FHIT: variants seen among roughly 807,000 people sequenced by gnomAD.
FHIT encodes the protein fragile histidine triad diadenosine triphosphatase, also known as bis(5'-adenosyl)-triphosphatase.
Under a neutral mutation model 17.9 loss-of-function variants are expected in FHIT, and 19 were observed. That is an observed-to-expected ratio of 1.06 (90% CI 0.74 to 1.56). The LOEUF is 1.56. Ranked by LOEUF, FHIT falls within the 40% of genes most tolerant of loss-of-function variation. The probability of loss-of-function intolerance (pLI) is 0.00; values close to 1 mark genes in which losing one functional copy is unlikely to be tolerated. For missense variants in FHIT, 248 were observed against 189.2 expected, an observed-to-expected ratio of 1.31 and a Z score of -1.82; for synonymous variants, 81 against 69.7, an observed-to-expected ratio of 1.16 and a Z score of -0.81.
intron 2 of FHIT, among the ~76,000 whole-genome samples, chr3:61,113,474 T>G (rs993850778): frequency 1.3e-5 from 2 of 152,168 alleles, no homozygotes; most frequent in Non-Finnish European, 2.9e-5. Context: ...TATGGTTCTT[T>G]CTCTGGGAAA....
intron 2 of FHIT, among the ~76,000 whole-genome samples, chr3:61,107,347 T>C (rs1273435767): frequency 2.0e-5 from 3 of 152,218 alleles, no homozygotes; most frequent in Admixed American, 1.3e-4. Context: ...GGTGTATGTA[T>C]ATCACATTTT....
At chr3:60,593,988 T>C (rs1553665325) in intron 4 of FHIT, among the ~76,000 whole-genome samples, 2 of 152,122 alleles carry the variant, frequency 1.3e-5, no homozygotes, top group African/African-American at 4.8e-5. Context: ...CGACTTCTCA[T>C]GGTATATGAA....
chr3:60,283,799 A>G (rs1707582955), intron 5 of FHIT, among the ~76,000 whole-genome samples: 1 of 148,914 alleles, frequency 6.7e-6, no homozygotes, highest in Non-Finnish European at 1.5e-5. Flanking sequence ...AAAGAGGTTG[A>G]GAAGAGTGCA....
chr3:60,809,189 T>C (rs1293205299), intron 4 of FHIT, among the ~76,000 whole-genome samples: 3 of 152,220 alleles, frequency 2.0e-5, no homozygotes, highest in African/African-American at 7.2e-5. Context: ...ATTTCATTTA[T>C]TGACATATCA....
At chr3:60,498,013 C>G (rs1559493409) in intron 5 of FHIT, among the ~76,000 whole-genome samples, 2 of 152,124 alleles carry the variant, frequency 1.3e-5, no homozygotes, top group African/African-American at 4.8e-5. Flanking sequence ...TCTGTCACAG[C>G]TACTCATCTG....
chr3:59,860,991 A>T (rs78677504), intron 8 of FHIT, among the ~76,000 whole-genome samples: 4,006 of 152,092 alleles, frequency 0.026, 165 homozygotes, highest in African/African-American at 0.091. Flanking sequence ...CCTGGGTCTG[A>T]AGAGAAGAGG....
chr3:60,214,011 G>C (rs1703578857), intron 5 of FHIT, among the ~76,000 whole-genome samples: 1 of 152,130 alleles, frequency 6.6e-6, no homozygotes, highest in Non-Finnish European at 1.5e-5. Flanking sequence ...GTGGAACATA[G>C]GTGTCATGCA....
chr3:60,621,953 C>T (rs899134907), intron 4 of FHIT, among the ~76,000 whole-genome samples: 5 of 151,996 alleles, frequency 3.3e-5, no homozygotes, highest in African/African-American at 9.7e-5. Context: ...AGCTAGTATG[C>T]CAATGAGGTG....
chr3:60,827,781 T>G (rs2106799684), intron 3 of FHIT, among the ~76,000 whole-genome samples: 1 of 152,266 alleles, frequency 6.6e-6, no homozygotes, highest in Middle Eastern at 3.4e-3. Flanking sequence ...CCACTGATAG[T>G]GAAAGGAAAG....
chr3:60,375,948 G>A (rs913673491), intron 5 of FHIT, among the ~76,000 whole-genome samples: 1 of 152,162 alleles, frequency 6.6e-6, no homozygotes, highest in Admixed American at 6.6e-5. Context: ...GCCTGAGGAA[G>A]TGAACATTTA....
chr3:60,814,105 A>C (rs553967890), intron 4 of FHIT, among the ~76,000 whole-genome samples: 1 of 152,198 alleles, frequency 6.6e-6, no homozygotes, highest in East Asian at 1.9e-4. Context: ...CACAAAACTT[A>C]TTCATTTTGT....
chr3:60,062,480 C>G (rs1451378326), intron 5 of FHIT, among the ~76,000 whole-genome samples: 1 of 152,162 alleles, frequency 6.6e-6, no homozygotes, highest in Non-Finnish European at 1.5e-5. Flanking sequence ...ATTATCTCCT[C>G]TAGTGAAGAA....
intron 8 of FHIT, among the ~76,000 whole-genome samples, chr3:59,825,571 C>T (rs1378419523): frequency 6.6e-6 from 1 of 152,182 alleles, no homozygotes; most frequent in African/African-American, 2.4e-5. Context: ...TGCTCCCACA[C>T]CTGATGTACT....
chr3:60,021,007 T>A (rs1213206295), intron 5 of FHIT, among the ~76,000 whole-genome samples: 1 of 152,182 alleles, frequency 6.6e-6, no homozygotes, highest in Non-Finnish European at 1.5e-5. Context: ...CTCATTTCAG[T>A]AACTCAATAA....
chr3:60,424,290 G>A (rs193127774), intron 5 of FHIT, among the ~76,000 whole-genome samples: 1 of 152,222 alleles, frequency 6.6e-6, no homozygotes, highest in East Asian at 1.9e-4. Flanking sequence ...AATACAGAGA[G>A]CAGTCTGGGG....
At chr3:60,603,179 T>A (rs1442249852) in intron 4 of FHIT, among the ~76,000 whole-genome samples, 2 of 152,126 alleles carry the variant, frequency 1.3e-5, no homozygotes, top group Non-Finnish European at 2.9e-5. Flanking sequence ...TAAAAACTCA[T>A]AAAAACTCCA....
chr3:60,976,517 G>A (rs1434620698), intron 3 of FHIT, among the ~76,000 whole-genome samples: 3 of 152,076 alleles, frequency 2.0e-5, no homozygotes. Context: ...CTATAAAAAG[G>A]AATGAAACAT....
At chr3:60,102,999 G>C (rs569958362) in intron 5 of FHIT, among the ~76,000 whole-genome samples, 45 of 152,266 alleles carry the variant, frequency 3.0e-4, no homozygotes, top group Non-Finnish European at 4.9e-4. Context: ...GAGCACATGT[G>C]ACAATGAATA....
chr3:60,265,737 G>A (rs1261721505), intron 5 of FHIT, among the ~76,000 whole-genome samples: 1 of 151,734 alleles, frequency 6.6e-6, no homozygotes, highest in Non-Finnish European at 1.5e-5. Context: ...ATAATAAATA[G>A]ATGATTCAAA....
Sources: gnomAD v4.1 joint callset for allele counts (sites outside exome capture counted in the v4.1 genomes callset) on GRCh38, gnomAD v4.1.1 for gene constraint, MANE v1.5 for transcripts, NCBI Gene and HGNC (gene_info 2026-07-23, HGNC 2026-07-21) for gene names.